EXOC6B: variants seen among roughly 807,000 people sequenced by gnomAD.
EXOC6B encodes SEC15 homolog B.
Under a neutral mutation model 113.5 loss-of-function variants are expected in EXOC6B, and 54 were observed. That is an observed-to-expected ratio of 0.48 (90% CI 0.38 to 0.60). EXOC6B has a LOEUF of 0.60. Among genes scored for constraint, EXOC6B ranks in the 20% least tolerant of loss-of-function variants. The pLI, the probability that EXOC6B is intolerant of heterozygous loss-of-function variation, is 0.00. For missense variants in EXOC6B, 797 were observed against 977.5 expected (o/e 0.82, Z 2.46); for synonymous variants, 357 against 339.0 (o/e 1.05, Z -0.58).
intron 18 of EXOC6B, among the ~76,000 whole-genome samples, chr2:72,406,962 G>C (rs1693817809): frequency 6.7e-6 from 1 of 150,226 alleles, no homozygotes; most frequent in Non-Finnish European, 1.5e-5. Context: ...TAATAAAGAA[G>C]ACTAGCAAGA....
At chr2:72,436,763 T>C (rs766084085) in intron 18 of EXOC6B, among the ~76,000 whole-genome samples, 1 of 152,078 alleles carries the variant, frequency 6.6e-6, no homozygotes, top group Non-Finnish European at 1.5e-5. Context: ...GTCCCTTATG[T>C]TCTTTTCTAA....
intron 8 of EXOC6B, among the ~76,000 whole-genome samples, chr2:72,526,630 T>C (rs1164798051): frequency 2.0e-5 from 3 of 151,910 alleles, no homozygotes; most frequent in African/African-American, 7.2e-5. Context: ...TAACAGAAAC[T>C]GTACAGAAAC....
At chr2:72,777,685 T>C (rs756671661) in intron 1 of EXOC6B, among the ~76,000 whole-genome samples, 3 of 152,178 alleles carry the variant, frequency 2.0e-5, no homozygotes, top group African/African-American at 4.8e-5. Context: ...GTCAGTATTA[T>C]TGAATTTTTC....
intron 6 of EXOC6B, among the ~76,000 whole-genome samples, chr2:72,592,286 C>T (rs1371467035): frequency 6.6e-6 from 1 of 152,106 alleles, no homozygotes; most frequent in Admixed American, 6.6e-5. Flanking sequence ...GGAGGGGTGA[C>T]AGAGTGACTA....
intron 20 of EXOC6B, among the ~76,000 whole-genome samples, chr2:72,224,537 T>C (rs62147590): frequency 0.039 from 5,885 of 152,228 alleles, 139 homozygotes; most frequent in Non-Finnish European, 0.052. Flanking sequence ...TACTCTTTCA[T>C]TGGAAGGATG....
intron 6 of EXOC6B, among the ~76,000 whole-genome samples, chr2:72,688,222 G>A (rs1677224187): frequency 6.6e-6 from 1 of 152,130 alleles, no homozygotes; most frequent in Non-Finnish European, 1.5e-5. Flanking sequence ...CAATGCTCTT[G>A]ACTACTGTCT....
intron 19 of EXOC6B, among the ~76,000 whole-genome samples, chr2:72,344,500 C>A (rs1689207907): frequency 6.6e-6 from 1 of 151,142 alleles, no homozygotes; most frequent in South Asian, 2.1e-4. Context: ...TCTTTGTATT[C>A]CTTGCGATTT....
intron 5 of EXOC6B, among the ~76,000 whole-genome samples, chr2:72,728,917 C>T (rs750760188): frequency 1.3e-4 from 20 of 152,192 alleles, no homozygotes; most frequent in African/African-American, 4.1e-4. Flanking sequence ...GTGATTAAAA[C>T]GAGCAAACTG....
At chr2:72,631,455 TATATATAGAGAGAGAG>T (rs1672442013) in intron 6 of EXOC6B, among the ~76,000 whole-genome samples, 5 of 18,378 alleles carry the variant, frequency 2.7e-4, no homozygotes, top group African/African-American at 4.7e-4. Context: ...TATATATATA[TATATATAGAGAGAGAG>T]AGAGAGAGAG....
chr2:72,697,107 G>GATATAA (rs1553468435), intron 6 of EXOC6B, among the ~76,000 whole-genome samples: 2 of 133,066 alleles, frequency 1.5e-5, no homozygotes, highest in Non-Finnish European at 3.3e-5. Context: ...TTTATATACA[G>GATATAA]ATATAGATAT....
At chr2:72,732,978 C>T (rs549986837) in intron 3 of EXOC6B, 93 bp downstream of exon 3, 4 of 858,874 alleles carry the variant, frequency 4.7e-6, no homozygotes, top group South Asian at 4.4e-5. Context: ...CAACATACTA[C>T]TTACAGTCTT....
At chr2:72,632,405 GA>G (rs914578164) in intron 6 of EXOC6B, among the ~76,000 whole-genome samples, 2 of 152,138 alleles carry the variant, frequency 1.3e-5, no homozygotes, top group African/African-American at 4.8e-5. Context: ...AAGAACCTTA[GA>G]TGTGTCTATA....
chr2:72,544,848 A>G (rs1306728550), intron 8 of EXOC6B, among the ~76,000 whole-genome samples: 1 of 152,110 alleles, frequency 6.6e-6, no homozygotes, highest in African/African-American at 2.4e-5. Flanking sequence ...TTGGTTCCCT[A>G]TCTTTGTAAT....
intron 20 of EXOC6B, among the ~76,000 whole-genome samples, chr2:72,194,271 A>C (rs1344260410): frequency 6.6e-6 from 1 of 152,024 alleles, no homozygotes; most frequent in Non-Finnish European, 1.5e-5. Flanking sequence ...GCTTGGTGAG[A>C]CCCCCAAGGT....
At chr2:72,537,534 G>C (rs2105778062) in intron 8 of EXOC6B, among the ~76,000 whole-genome samples, 1 of 151,908 alleles carries the variant, frequency 6.6e-6, no homozygotes, top group Non-Finnish European at 1.5e-5. Flanking sequence ...TGGAGGCTGA[G>C]TTGGGAAAAC....
chr2:72,675,581 C>T (rs1257819305), intron 6 of EXOC6B, among the ~76,000 whole-genome samples: 1 of 152,022 alleles, frequency 6.6e-6, no homozygotes, highest in African/African-American at 2.4e-5. Context: ...TCACTTGAGC[C>T]CAGGAGTTTG....
At chr2:72,627,261 A>G (rs1315444235) in intron 6 of EXOC6B, among the ~76,000 whole-genome samples, 1 of 152,188 alleles carries the variant, frequency 6.6e-6, no homozygotes, top group African/African-American at 2.4e-5. Flanking sequence ...CAGATTACTG[A>G]AAGTCAAACC....
intron 6 of EXOC6B, among the ~76,000 whole-genome samples, chr2:72,591,008 G>GA (rs1266731564): frequency 6.6e-6 from 1 of 151,704 alleles, no homozygotes; most frequent in Non-Finnish European, 1.5e-5. Context: ...AAGTGCCATA[G>GA]AAAAAAGAAT....
intron 1 of EXOC6B, among the ~76,000 whole-genome samples, chr2:72,811,833 TTTAAC>T: frequency 6.6e-6 from 1 of 152,166 alleles, no homozygotes; most frequent in East Asian, 1.9e-4. Context: ...ATTATAAGCA[TTTAAC>T]AAAATTCACT....
Sources: gnomAD v4.1 joint callset for allele counts (sites outside exome capture counted in the v4.1 genomes callset) on GRCh38, gnomAD v4.1.1 for gene constraint, MANE v1.5 for transcripts, NCBI Gene and HGNC (gene_info 2026-07-23, HGNC 2026-07-21) for gene names.